The following PXDNL variants were observed in gnomAD, a reference collection of about 807,000 sequenced individuals.
The protein encoded by PXDNL is probable oxidoreductase PXDNL.
A neutral mutation model predicts 150.8 loss-of-function variants in PXDNL; 145 were observed. The ratio of observed to expected loss-of-function variants is 0.96; its 90% CI spans 0.84 to 1.10. The LOEUF (loss-of-function observed/expected upper bound fraction) is 1.10, where lower values mean the gene tolerates loss of function less well. Among genes scored for constraint, PXDNL ranks in the 50% least tolerant of loss-of-function variants. The pLI is 0.00. For missense variants in PXDNL, 2,087 were observed against 1,873.9 expected (o/e 1.11, Z -2.10); for synonymous variants, 757 against 725.7 (o/e 1.04, Z -0.69).
At chr8:51,745,134 T>C (rs1585718248) in intron 1 of PXDNL, among the ~76,000 whole-genome samples, 2 of 152,176 alleles carry the variant, frequency 1.3e-5, no homozygotes, top group South Asian at 4.1e-4. Context: ...AACCCACTTA[T>C]TTGTTATTTT....
chr8:51,472,128 T>G, intron 8 of PXDNL, 59 bp downstream of exon 8: 1 of 1,160,056 alleles, frequency 8.6e-7, no homozygotes. Context: ...TAAATTGAGT[T>G]AAAAAGATTG....
At chr8:51,441,056 G>C (rs1809534221) in intron 12 of PXDNL, among the ~76,000 whole-genome samples, 1 of 152,124 alleles carries the variant, frequency 6.6e-6, no homozygotes, top group Admixed American at 6.5e-5. Flanking sequence ...ACGTGTCAAG[G>C]GCTGGACTGG....
At chr8:51,772,723 G>A (rs1418850179) in intron 1 of PXDNL, among the ~76,000 whole-genome samples, 1 of 152,184 alleles carries the variant, frequency 6.6e-6, no homozygotes, top group Non-Finnish European at 1.5e-5. Flanking sequence ...TGAAGACATG[G>A]GGCTGAGACA....
In PXDNL at chr8:51,684,469, A is replaced by C. The variant is rs7835192; in HGVS notation, c.165-29709T>G. Among the ~76,000 whole-genome samples, 763 of 152,320 alleles carry C rather than the reference A, an allele frequency of 5.0e-3. 3 individuals carry two copies. The highest frequency in any genetic ancestry group is 0.017 in the African/African-American group (716 of 41,578). The stretch of plus-strand genomic sequence containing the variant: ...CCTGTGCATAATGATCTAAGCCCAG[A>C]ACCCAACTCCATTTTACACACTGCA... On this transcript the variant is annotated intron_variant, in intron 1 of 22. Coordinates refer to ENST00000356297, the MANE Select transcript of PXDNL (RefSeq NM_144651.5).
chr8:51,648,837 C>T lies in PXDNL; in HGVS notation c.236+5852G>A, dbSNP rs571179367. Among the ~76,000 whole-genome samples the T allele has an allele frequency of 1.4e-4, 21 of 152,278 alleles. 1 individual carries two copies. The South Asian group carries it at 2.9e-3, about 21-fold the overall frequency. ...TCTAAAAGCTATCATTATGTTTATA[C>T]TTATGCTGTTATAATGATTTCATGT... On this transcript the variant is annotated intron_variant, in intron 2 of 22. Transcript: ENST00000356297.
chr8:51,736,889 G>A (rs1045101704), intron 1 of PXDNL, among the ~76,000 whole-genome samples: 2 of 152,168 alleles, frequency 1.3e-5, no homozygotes, highest in African/African-American at 4.8e-5. Context: ...TTCTTCAAGT[G>A]TTAACTATAT....
chr8:51,655,544 G>A lies in PXDNL; in HGVS notation c.165-784C>T, dbSNP rs368988032. On this transcript the variant is annotated intron_variant, in intron 1 of 22. Transcript: ENST00000356297. ...GAAGACTTAGGGACTGCTCTGCCTA[G>A]AGCCCCTCTTTCAGTTGGAGAACGA... 1.6e-4 allele frequency among the ~76,000 whole-genome samples: 25 copies of A among 152,210 alleles called. 1 individual carries two copies. In the South Asian group the frequency reaches 3.9e-3, roughly 24 times the overall value.
intron 17 of PXDNL, among the ~76,000 whole-genome samples, chr8:51,395,626 G>GAA (rs1586067826): frequency 6.6e-6 from 1 of 152,264 alleles, no homozygotes; most frequent in East Asian, 1.9e-4. Context: ...AGAGGATCTA[G>GAA]AAAGATTAAA....
At chr8:51,429,970 A>T (rs74676456) in intron 12 of PXDNL, among the ~76,000 whole-genome samples, 1 of 152,204 alleles carries the variant, frequency 6.6e-6, no homozygotes. Flanking sequence ...CTGACAATGC[A>T]TAATGGACAT....
At chr8:51,769,756 A>T (rs1265187950) in intron 1 of PXDNL, among the ~76,000 whole-genome samples, 2 of 152,224 alleles carry the variant, frequency 1.3e-5, no homozygotes, top group Non-Finnish European at 2.9e-5. Flanking sequence ...TATAGCTAAA[A>T]GTCATGTAGC....
chr8:51,516,475 A>G (rs763503601), intron 4 of PXDNL, among the ~76,000 whole-genome samples: 6 of 152,228 alleles, frequency 3.9e-5, no homozygotes, highest in Non-Finnish European at 8.8e-5. Context: ...TTTCTCCTTC[A>G]AAGTAAGAGG....
At chr8:51,443,953 C>T (rs2129905633) in intron 12 of PXDNL, among the ~76,000 whole-genome samples, 1 of 152,208 alleles carries the variant, frequency 6.6e-6, no homozygotes, top group Admixed American at 6.5e-5. Flanking sequence ...CAAATGTATA[C>T]ATGTGCCATG....
intron 14 of PXDNL, among the ~76,000 whole-genome samples, chr8:51,417,549 C>G (rs1195297508): frequency 2.0e-5 from 3 of 152,172 alleles, no homozygotes; most frequent in African/African-American, 7.2e-5. Context: ...TAAAAAATGC[C>G]TAGACCTCAA....
intron 8 of PXDNL, among the ~76,000 whole-genome samples, chr8:51,469,288 A>C (rs1810271642): frequency 6.6e-6 from 1 of 152,100 alleles, no homozygotes; most frequent in Admixed American, 6.5e-5. Context: ...CAATGTTGTG[A>C]TCACAGTGAA....
At chr8:51,678,758 C>T (rs183340472) in intron 1 of PXDNL, among the ~76,000 whole-genome samples, 3 of 152,160 alleles carry the variant, frequency 2.0e-5, no homozygotes, top group African/African-American at 7.2e-5. Context: ...GGGATATATA[C>T]CTAATGCTAG....
chr8:51,577,933 AAG>A (rs1464788435), intron 3 of PXDNL, among the ~76,000 whole-genome samples: 1 of 57,522 alleles, frequency 1.7e-5, no homozygotes, highest in African/African-American at 6.1e-5. Context: ...AAAAGAAAGA[AAG>A]AAAGAAAGAA....
chr8:51,362,586 T>C lies in PXDNL; in HGVS notation c.3901+9287A>G, dbSNP rs28459057. The stretch of plus-strand genomic sequence containing the variant: ...TGAACTTTTACTTCCACTACTTTTT[T>C]TTTGGTTTGAGCTGATGATACAATA... On this transcript the variant is annotated intron_variant, in intron 19 of 22. Transcript: ENST00000356297. 4.8e-3 allele frequency among the ~76,000 whole-genome samples: 733 copies of C among 152,312 alleles called. 6 individuals are homozygous for C. The highest frequency in any genetic ancestry group is 0.017 in the African/African-American group (694 of 41,580).
intron 4 of PXDNL, among the ~76,000 whole-genome samples, chr8:51,508,768 G>C (rs1397028410): frequency 2.6e-5 from 4 of 152,128 alleles, no homozygotes; most frequent in East Asian, 3.9e-4. Context: ...ATGCCCATGT[G>C]GCTGCCTAGT....
intron 4 of PXDNL, among the ~76,000 whole-genome samples, chr8:51,540,759 A>C (rs1442807127): frequency 6.6e-6 from 1 of 152,140 alleles, no homozygotes; most frequent in East Asian, 1.9e-4. Flanking sequence ...GGTCTTCTTT[A>C]TACTTACTTT....
Sources: gnomAD v4.1 joint callset for allele counts (sites outside exome capture counted in the v4.1 genomes callset) on GRCh38, gnomAD v4.1.1 for gene constraint, MANE v1.5 for transcripts, NCBI Gene and HGNC (gene_info 2026-07-23, HGNC 2026-07-21) for gene names.